The following DISC1 variants were observed in gnomAD, a reference collection of about 807,000 sequenced individuals.
The protein encoded by DISC1 is DISC1 scaffold protein.
A neutral mutation model predicts 84.5 loss-of-function variants in DISC1; 57 were observed. That is an observed-to-expected ratio of 0.67 (90% confidence interval 0.55 to 0.84). The LOEUF is 0.84. DISC1 is among the 40% of genes least tolerant of loss of function. The pLI, the probability that DISC1 is intolerant of heterozygous loss-of-function variation, is 0.00. For missense variants in DISC1, 1,000 were observed against 1,057.8 expected (o/e 0.95, Z 0.76); for synonymous variants, 411 against 415.2 (o/e 0.99, Z 0.12).
At chr1:231,821,460 C>T (rs1467403607) in intron 9 of DISC1, among the ~76,000 whole-genome samples, 1 of 152,180 alleles carries the variant, frequency 6.6e-6, no homozygotes, top group Non-Finnish European at 1.5e-5. Context: ...AAGACACAAT[C>T]TCTATAAAGA....
chr1:232,029,021 G>T (rs767719757), intron 12 of DISC1, among the ~76,000 whole-genome samples: 9 of 152,120 alleles, frequency 5.9e-5, no homozygotes, highest in Non-Finnish European at 1.3e-4. Flanking sequence ...GTCCTATTAG[G>T]CCCATCAGAA....
intron 11 of DISC1, among the ~76,000 whole-genome samples, chr1:232,012,890 C>G (rs1189049157): frequency 6.6e-6 from 1 of 152,182 alleles, no homozygotes; most frequent in Admixed American, 6.5e-5. Flanking sequence ...CAACAGGGCT[C>G]AGTGCCAATC....
At chr1:231,893,398 C>T (rs1210301836) in intron 9 of DISC1, among the ~76,000 whole-genome samples, 1 of 152,114 alleles carries the variant, frequency 6.6e-6, no homozygotes, top group Non-Finnish European at 1.5e-5. Context: ...TATTAAAATT[C>T]TCAGCATAAA....
rs563127290 is a variant in DISC1, at chr1:231,960,215, T to C, written c.2042+1327T>C. On this transcript the variant is annotated intron_variant, in intron 10 of 12. Transcript: ENST00000439617. ...TGTAAAGCATTCATGTGATTGGTAG[T>C]AGGCACGCATTAGTTTCCTTTACCT... Among the ~76,000 whole-genome samples the C allele has an allele frequency of 5.9e-5, 9 of 152,336 alleles. No individual in the cohort carries two copies. In the East Asian group the frequency reaches 1.7e-3, roughly 29 times the overall value.
intron 1 of DISC1, among the ~76,000 whole-genome samples, chr1:231,636,042 G>T (rs201194544): frequency 6.6e-6 from 1 of 152,180 alleles, no homozygotes; most frequent in African/African-American, 2.4e-5. Context: ...TGGATGGATA[G>T]ATGGAGGAAG....
intron 9 of DISC1, among the ~76,000 whole-genome samples, chr1:231,907,056 C>T (rs1049407722): frequency 7.4e-6 from 1 of 134,908 alleles, no homozygotes; most frequent in African/African-American, 2.8e-5. Flanking sequence ...CCTCCTCCCT[C>T]CCTTCCTTCC....
At chr1:231,861,042 C>A (rs1350577659) in intron 9 of DISC1, among the ~76,000 whole-genome samples, 2 of 152,118 alleles carry the variant, frequency 1.3e-5, no homozygotes, top group African/African-American at 4.8e-5. Context: ...TTTCCTTTAT[C>A]TAAAGAAAGT....
At chr1:231,695,718 G>T (rs564110240) in intron 2 of DISC1, among the ~76,000 whole-genome samples, 1 of 152,124 alleles carries the variant, frequency 6.6e-6, no homozygotes, top group Non-Finnish European at 1.5e-5. Context: ...ATGTGTTTCT[G>T]CGTGTGGTGT....
chr1:232,035,644 T>C (rs1419731914), intron 12 of DISC1, among the ~76,000 whole-genome samples: 1 of 152,226 alleles, frequency 6.6e-6, no homozygotes, highest in Non-Finnish European at 1.5e-5. Flanking sequence ...TGGCTTCATG[T>C]GATGACTTCA....
At position 231,870,937 on chromosome 1, in the gene DISC1, G is replaced by C. The variant is rs575310637; in HGVS notation, c.1981+52420G>C. ...CGATCATGACTTTAATTTTGCTCTA[G>C]TAATGCACTTTCTGAGAATAAATGG... On this transcript the variant is annotated intron_variant, in intron 9 of 12. Transcript: ENST00000439617. Among the ~76,000 whole-genome samples the C allele has an allele frequency of 4.6e-5, 7 of 152,246 alleles. No individual in the cohort carries two copies. The South Asian group carries it at 6.2e-4, about 14-fold the overall frequency.
At chr1:231,868,664 G>T (rs1051261386) in intron 9 of DISC1, among the ~76,000 whole-genome samples, 1 of 144,510 alleles carries the variant, frequency 6.9e-6, no homozygotes, top group Non-Finnish European at 1.5e-5. Context: ...TCAAGACCAG[G>T]CTGGGCAACA....
intron 9 of DISC1, among the ~76,000 whole-genome samples, chr1:231,924,153 T>C (rs1012447793): frequency 6.6e-6 from 1 of 152,212 alleles, no homozygotes; most frequent in Non-Finnish European, 1.5e-5. Flanking sequence ...ATGAACTTTT[T>C]CCCCAGTGAA....
chr1:231,862,667 A>G (rs1185767122), intron 9 of DISC1, among the ~76,000 whole-genome samples: 3 of 152,212 alleles, frequency 2.0e-5, no homozygotes, highest in African/African-American at 7.2e-5. Context: ...GTCTCTGGCC[A>G]TTTATTGGGT....
chr1:231,723,335 A>G, intron 3 of DISC1: 1 of 985,866 alleles, frequency 1.0e-6, no homozygotes, highest in Non-Finnish European at 1.2e-6. Flanking sequence ...ACATCTGGGC[A>G]GGAAGCTCCT....
intron 11 of DISC1, among the ~76,000 whole-genome samples, chr1:232,010,884 A>G (rs1315042476): frequency 6.6e-6 from 1 of 152,182 alleles, no homozygotes. Flanking sequence ...TAGGTTGTAC[A>G]CTTTAAAGAT....
At chr1:231,791,913 T>A (rs2078379796) in intron 6 of DISC1, among the ~76,000 whole-genome samples, 1 of 152,188 alleles carries the variant, frequency 6.6e-6, no homozygotes, top group Admixed American at 6.5e-5. Context: ...GACATCTTTG[T>A]ACCCTAGGCC....
rs182406858 is a variant in DISC1 at position 232,003,279 on chromosome 1, G to A, written c.2043-5506G>A. ...GCAAATAAACTGAAAACATAGAATG[G>A]TAAAAAGATAAGCTGGGTAAATTTG... is the stretch of plus-strand genomic sequence containing the variant. On this transcript the variant is annotated intron_variant, in intron 10 of 12. Transcript: ENST00000439617. Among the ~76,000 whole-genome samples, 17 of 152,214 alleles carry A rather than the reference G, an allele frequency of 1.1e-4. No individual in the cohort carries two copies. The East Asian group carries it at 2.5e-3, about 22-fold the overall frequency.
chr1:231,993,548 G>A (rs1665512362), intron 10 of DISC1, among the ~76,000 whole-genome samples: 2 of 152,142 alleles, frequency 1.3e-5, no homozygotes, highest in South Asian at 2.1e-4. Flanking sequence ...TGGGGCTGAG[G>A]AAAATAACAA....
chr1:231,972,902 A>G (rs887762097), intron 10 of DISC1, among the ~76,000 whole-genome samples: 1 of 152,238 alleles, frequency 6.6e-6, no homozygotes, highest in African/African-American at 2.4e-5. Context: ...CCTATAGGGT[A>G]CACGGGCCCT....
Sources: gnomAD v4.1 joint callset for allele counts (sites outside exome capture counted in the v4.1 genomes callset) on GRCh38, gnomAD v4.1.1 for gene constraint, MANE v1.5 for transcripts, NCBI Gene and HGNC (gene_info 2026-07-23, HGNC 2026-07-21) for gene names.